The following CPEB1 variants were observed in gnomAD, a reference collection of about 807,000 sequenced individuals.
The protein encoded by CPEB1 is cytoplasmic polyadenylation element-binding protein 1.
In CPEB1, 7 loss-of-function variants were observed where a neutral mutation model predicts 65.8. That is an observed-to-expected ratio of 0.11 (90% CI 0.06 to 0.20). The LOEUF is 0.20. Ranked by LOEUF, CPEB1 falls within the 10% of genes least tolerant of loss-of-function variation. CPEB1 has a pLI of 1.00. For synonymous variants in CPEB1, 262 were observed against 260.0 expected (o/e 1.01, Z -0.08); for missense variants, 551 against 712.2 (o/e 0.77, Z 2.58).
In CPEB1 at chr15:82,553,480, C is replaced by G; in HGVS notation, c.1131G>C (p.Arg377=). ...TAGGCATATTACCTTTGGGAGGACACCGGGGATGCTTGCCATCCTTACCAG... is the reference window on the plus strand; with the variant it reads ...TAGGCATATTACCTTTGGGAGGACAGCGGGGATGCTTGCCATCCTTACCAG... ...EWPGKDGKHP[R]CPPKGYVYLV... The change falls in exon 8 of 13, where the codon CGG becomes CGC. Residue 377 remains arginine, a synonymous_variant. Transcript: ENST00000684509. The G allele has an allele frequency of 2.5e-6, 4 of 1,613,732 alleles. No homozygotes were observed. Among genetic ancestry groups the G allele is most frequent in the Non-Finnish European group, 3.4e-6 (4 of 1,179,728 alleles).
At chr15:82,598,715 G>T (rs1486775111) in intron 3 of CPEB1, among the ~76,000 whole-genome samples, 2 of 152,124 alleles carry the variant, frequency 1.3e-5, no homozygotes, top group Non-Finnish European at 2.9e-5. Flanking sequence ...AACCCAGGAG[G>T]TGGAGGTTAC....
At chr15:82,578,530 G>A (rs760255580) in intron 3 of CPEB1, among the ~76,000 whole-genome samples, 4 of 152,116 alleles carry the variant, frequency 2.6e-5, no homozygotes, top group South Asian at 2.1e-4. Flanking sequence ...TTGGGAAGCC[G>A]AGGCAGGTGG....
At chr15:82,587,660 T>C (rs1461641233) in intron 3 of CPEB1, among the ~76,000 whole-genome samples, 2 of 152,192 alleles carry the variant, frequency 1.3e-5, no homozygotes, top group African/African-American at 4.8e-5. Flanking sequence ...AAATGTAAAC[T>C]ACTCAAAAAA....
At chr15:82,549,253 C>T (rs2035823210) in intron 10 of CPEB1, among the ~76,000 whole-genome samples, 1 of 152,164 alleles carries the variant, frequency 6.6e-6, no homozygotes, top group Non-Finnish European at 1.5e-5. Flanking sequence ...GCTTTTTCTC[C>T]CACTGCGTGG....
intron 1 of CPEB1, among the ~76,000 whole-genome samples, chr15:82,636,946 G>T (rs1366373154): frequency 6.6e-6 from 1 of 152,034 alleles, no homozygotes; most frequent in Non-Finnish European, 1.5e-5. Flanking sequence ...TTGGGATTTG[G>T]GGTTTTAGGT....
Position 82,549,722 on chromosome 15 carries a change from G to A in CPEB1, c.1282-64C>T, listed in dbSNP as rs779897960. On this transcript the variant is annotated intron_variant, in intron 9 of 12. Transcript: ENST00000684509. Reference sequence around the variant, plus strand: ...GCCACAGAGAGAGAGGTGCTTGCACGGCAAGGTACGTGCTCTGGAGATACT... The same window carrying A: ...GCCACAGAGAGAGAGGTGCTTGCACAGCAAGGTACGTGCTCTGGAGATACT... The A allele has an allele frequency of 4.8e-5, 71 of 1,473,172 alleles. No homozygotes were observed. In the Middle Eastern group the frequency reaches 5.2e-4, roughly 11 times the overall value. The allele number at this position is 1,473,172 out of a possible 1,614,324, so 91.3% of individuals were successfully genotyped here. A position where few individuals can be genotyped will look rare whatever the true frequency, so the allele number is the denominator to read the frequency against.
intron 9 of CPEB1, 67 bp from the exon 10 acceptor site, chr15:82,549,725 A>C: frequency 6.9e-7 from 1 of 1,457,440 alleles, no homozygotes; most frequent in Non-Finnish European, 9.6e-7. Context: ...CTTGCACGGC[A>C]AGGTACGTGC....
chr15:82,555,491 G>A (rs1015743074), intron 6 of CPEB1, among the ~76,000 whole-genome samples: 3 of 152,226 alleles, frequency 2.0e-5, no homozygotes, highest in Non-Finnish European at 4.4e-5. Flanking sequence ...TTAGAATGTG[G>A]AGAGGGTAGA....
At chr15:82,641,097 C>T (rs760652616) in intron 1 of CPEB1, among the ~76,000 whole-genome samples, 1 of 151,794 alleles carries the variant, frequency 6.6e-6, no homozygotes, top group Non-Finnish European at 1.5e-5. Flanking sequence ...ACTTTCCATT[C>T]TAAACTTAAT....
At chr15:82,590,370 C>A (rs1883451545) in intron 3 of CPEB1, among the ~76,000 whole-genome samples, 1 of 152,040 alleles carries the variant, frequency 6.6e-6, no homozygotes, top group South Asian at 2.1e-4. Flanking sequence ...GTTTTTAATA[C>A]ATCTAGAATT....
chr15:82,560,013 G>A (rs1183961101), intron 4 of CPEB1, among the ~76,000 whole-genome samples: 3 of 152,200 alleles, frequency 2.0e-5, no homozygotes, highest in African/African-American at 7.2e-5. Context: ...GAACCCAGGA[G>A]GCAGAGGTTG....
intron 4 of CPEB1, among the ~76,000 whole-genome samples, chr15:82,566,137 C>T (rs2039079892): frequency 6.6e-6 from 1 of 152,204 alleles, no homozygotes; most frequent in Non-Finnish European, 1.5e-5. Flanking sequence ...AGTACAAAGG[C>T]ACCTGGAGTG....
At chr15:82,545,967 T>A (rs1176265302) in intron 12 of CPEB1, among the ~76,000 whole-genome samples, 1 of 151,304 alleles carries the variant, frequency 6.6e-6, no homozygotes, top group Admixed American at 6.6e-5. Flanking sequence ...CAATTCAACA[T>A]ATTTTCTTAA....
upstream of CPEB1, chr15:82,647,848 G>A (rs1172516762): frequency 9.4e-6 from 12 of 1,272,846 alleles, no homozygotes; most frequent in Admixed American, 8.2e-5. Flanking sequence ...GCGGCGGGTG[G>A]CTCTTACCAG....
chr15:82,546,002 GTA>G (rs2150912553), intron 12 of CPEB1, among the ~76,000 whole-genome samples: 1 of 88,902 alleles, frequency 1.1e-5, no homozygotes, highest in South Asian at 3.1e-4. Context: ...GCTATCTAAA[GTA>G]TGTCTGTCCC....
chr15:82,602,831 C>T (rs1015022409), intron 3 of CPEB1, among the ~76,000 whole-genome samples: 3 of 152,026 alleles, frequency 2.0e-5, no homozygotes, highest in African/African-American at 7.2e-5. Flanking sequence ...GGCGACAGAG[C>T]AACCCTTCAT....
intron 3 of CPEB1, 149 bp downstream of exon 3, chr15:82,627,044 A>G: frequency 1.8e-6 from 1 of 560,700 alleles, no homozygotes; most frequent in East Asian, 3.0e-5. Flanking sequence ...GAGGGATTCA[A>G]TCCATAAACT....
At chr15:82,597,498 T>A (rs564688540) in intron 3 of CPEB1, among the ~76,000 whole-genome samples, 3 of 152,306 alleles carry the variant, frequency 2.0e-5, no homozygotes, top group African/African-American at 7.2e-5. Context: ...TTTAATTAAT[T>A]GAGACATGCA....
At chr15:82,587,722 A>T (rs963552356) in intron 3 of CPEB1, among the ~76,000 whole-genome samples, 7 of 152,258 alleles carry the variant, frequency 4.6e-5, no homozygotes, top group African/African-American at 7.2e-5. Context: ...CTGACAGAGA[A>T]ATTCACAATA....
Sources: gnomAD v4.1 joint callset for allele counts (sites outside exome capture counted in the v4.1 genomes callset) on GRCh38, gnomAD v4.1.1 for gene constraint, MANE v1.5 for transcripts, NCBI Gene and HGNC (gene_info 2026-07-23, HGNC 2026-07-21) for gene names.